SPTBN4: variants seen among roughly 807,000 people sequenced by gnomAD.
SPTBN4 encodes spectrin beta chain, non-erythrocytic 4.
A neutral mutation model predicts 277.8 loss-of-function variants in SPTBN4; 96 were observed. That is an observed-to-expected ratio of 0.35 (90% CI 0.29 to 0.41). The LOEUF (loss-of-function observed/expected upper bound fraction) is 0.41, where lower values mean the gene tolerates loss of function less well. Among genes scored for constraint, SPTBN4 ranks in the 10% least tolerant of loss-of-function variants. The probability of loss-of-function intolerance (pLI) is 1.00; values close to 1 mark genes in which losing one functional copy is unlikely to be tolerated. For synonymous variants in SPTBN4, 1,481 were observed against 1,580.3 expected, an observed-to-expected ratio of 0.94 and a Z score of 1.49; for missense variants, 3,006 against 3,595.7, an observed-to-expected ratio of 0.84 and a Z score of 4.19.
chr19:40,495,296 G>A (rs981508941), intron 6 of SPTBN4, among the ~76,000 whole-genome samples: 2 of 151,984 alleles, frequency 1.3e-5, no homozygotes, highest in African/African-American at 2.4e-5. Flanking sequence ...TAGGAAGCTC[G>A]CTCCCCTGTC....
chr19:40,527,795 A>G (rs2080610562), intron 17 of SPTBN4, among the ~76,000 whole-genome samples: 1 of 152,044 alleles, frequency 6.6e-6, no homozygotes, highest in Non-Finnish European at 1.5e-5. Flanking sequence ...GCAGGAGCTC[A>G]CTCCCATCCC....
intron 20 of SPTBN4, among the ~76,000 whole-genome samples, chr19:40,536,701 A>G (rs2080741158): frequency 6.6e-6 from 1 of 152,178 alleles, no homozygotes. Context: ...GTATCCCAGC[A>G]CTTTGGGAGG....
rs559617164 is a variant in SPTBN4 at position 40,522,093 on chromosome 19, C to G, written c.3655-1344C>G. On this transcript the variant is annotated intron_variant, in intron 16 of 35. Transcript: ENST00000598249. ...CCGGGCCAGAGTACAGTGGCACGAT[C>G]ATGACTCACTGCAGCCTTGATCTAT... Among the ~76,000 whole-genome samples, 215 of 152,336 alleles carry G rather than the reference C, an allele frequency of 1.4e-3. 1 individual carries two copies. The highest frequency in any genetic ancestry group is 5.0e-3 in the African/African-American group (207 of 41,572).
In SPTBN4 at chr19:40,515,404, C is replaced by T. The variant is rs1318373502; in HGVS notation, c.2859C>T (p.Pro953=). 1 of 1,591,486 alleles carries T rather than the reference C, an allele frequency of 6.3e-7. No homozygotes were observed. Among genetic ancestry groups the T allele is most frequent in the East Asian group, 2.3e-5 (1 of 44,224 alleles). Residue 953 remains proline, a synonymous_variant, in exon 15 of 36, where the codon CCC becomes CCT. Transcript: ENST00000598249. The surrounding 1 kb of genome is among the most constrained non-coding windows in gnomAD (Gnocchi z 4.1). ...AGGAGCTGGTGGAAGGAGGCCACCCCAGTTCAGATGAGGTGCGTTCCTGCC... is the reference window on the plus strand; with the variant it reads ...AGGAGCTGGTGGAAGGAGGCCACCCTAGTTCAGATGAGGTGCGTTCCTGCC... ...TVQELVEGGH[P]SSDEVRSCQD... is the part of the protein sequence containing the mutation.
intron 20 of SPTBN4, among the ~76,000 whole-genome samples, chr19:40,544,301 C>G (rs2080834186): frequency 6.6e-6 from 1 of 151,624 alleles, no homozygotes. Flanking sequence ...TGCCACAATG[C>G]CCGGCTAATT....
chr19:40,481,206 A>G (rs2080006974), intron 2 of SPTBN4, among the ~76,000 whole-genome samples: 1 of 152,122 alleles, frequency 6.6e-6, no homozygotes, highest in Non-Finnish European at 1.5e-5. Flanking sequence ...TATATATTTT[A>G]TTTTACATAT....
At position 40,469,842 on chromosome 19, in the gene SPTBN4, C is replaced by G. The variant is rs527271726; in HGVS notation, c.-16+2537C>G. ...TATTTTTAGTAGAGGCGGGGTTTCA[C>G]CATGTTGGCCAGGCTGGTCTGGAAC... On this transcript the variant is annotated intron_variant, in intron 1 of 35. Coordinates refer to ENST00000598249, the MANE Select transcript of SPTBN4 (RefSeq NM_020971.3). Among the ~76,000 whole-genome samples, 558 of 151,814 alleles carry G rather than the reference C, an allele frequency of 3.7e-3. 2 individuals are homozygous for G. Among genetic ancestry groups the G allele is most frequent in the Non-Finnish European group, 4.9e-3 (331 of 67,892 alleles).
chr19:40,571,736 G>A lies in SPTBN4; in HGVS notation c.7320-283G>A, dbSNP rs200782519. 2.9e-5 allele frequency: 9 copies of A among 313,400 alleles called. No individual in the cohort carries two copies. The East Asian group carries it at 4.1e-4, about 14-fold the overall frequency. 19.4% of individuals were successfully genotyped at this position (313,400 alleles called of 1,614,324 possible). A position where few individuals can be genotyped will look rare whatever the true frequency, so the allele number is the denominator to read the frequency against. On this transcript the variant is annotated intron_variant, in intron 33 of 35. Transcript: ENST00000598249. ...AGGATTGAGTGGAGCAAAGGCTTATGGAGGAGACAGCTTAAGACTTACCTT... is the reference window on the plus strand; with the variant it reads ...AGGATTGAGTGGAGCAAAGGCTTATAGAGGAGACAGCTTAAGACTTACCTT...
At chr19:40,525,279 G>A (rs975897695) in intron 17 of SPTBN4, among the ~76,000 whole-genome samples, 7 of 150,848 alleles carry the variant, frequency 4.6e-5, no homozygotes, top group Non-Finnish European at 8.8e-5. Flanking sequence ...ATCATTTAGT[G>A]CCCCCTTTTC....
chr19:40,565,769 T>C (rs757351603), intron 29 of SPTBN4, 24 bp downstream of exon 29: 1 of 1,548,920 alleles, frequency 6.5e-7, no homozygotes, highest in South Asian at 1.2e-5. Flanking sequence ...CAGGCACACG[T>C]GGTTCAAGGG....
At chr19:40,497,834 C>T (rs560964024) in intron 7 of SPTBN4, among the ~76,000 whole-genome samples, 2 of 151,842 alleles carry the variant, frequency 1.3e-5, no homozygotes, top group South Asian at 4.2e-4. Flanking sequence ...CCTCTCTCAT[C>T]CCCAACCGTG....
chr19:40,517,515 C>T (rs565607077), intron 15 of SPTBN4, among the ~76,000 whole-genome samples: 11 of 152,144 alleles, frequency 7.2e-5, no homozygotes, highest in African/African-American at 2.7e-4. Flanking sequence ...AGACTGGTCT[C>T]GAACTCCTGG....
chr19:40,560,485 C>A lies in SPTBN4; in HGVS notation c.5915+82C>A. On this transcript the variant is annotated intron_variant, in intron 27 of 35. Transcript: ENST00000598249. The surrounding 1 kb of genome is among the most constrained non-coding windows in gnomAD (Gnocchi z 5.2). ...CCCCCAGCCCATTGACAGCCCCCTTCTCAATGGAATGACAACAGCCAATAT... is the reference window on the plus strand; with the variant it reads ...CCCCCAGCCCATTGACAGCCCCCTTATCAATGGAATGACAACAGCCAATAT... The A allele has an allele frequency of 6.2e-7, 1 of 1,604,064 alleles. No homozygotes were observed.
At chr19:40,557,692 C>T (rs909644133) in intron 26 of SPTBN4, among the ~76,000 whole-genome samples, 4 of 152,004 alleles carry the variant, frequency 2.6e-5, no homozygotes, top group African/African-American at 7.2e-5. Context: ...CCAACGCAGG[C>T]GGATCATCTG....
chr19:40,555,507 A>G (rs2080968224), intron 24 of SPTBN4, among the ~76,000 whole-genome samples: 1 of 147,624 alleles, frequency 6.8e-6, no homozygotes, highest in Non-Finnish European at 1.5e-5. Context: ...AAAAAAAAAA[A>G]AGAAAAGAAA....
chr19:40,543,951 C>T (rs2080827788), intron 20 of SPTBN4, among the ~76,000 whole-genome samples: 1 of 151,956 alleles, frequency 6.6e-6, no homozygotes, highest in South Asian at 2.1e-4. Flanking sequence ...TAGGGAAATC[C>T]CATGGGAAAA....
intron 13 of SPTBN4, 94 bp downstream of exon 13, chr19:40,506,480 G>A (rs2145855058): frequency 2.7e-6 from 4 of 1,475,064 alleles, no homozygotes; most frequent in Middle Eastern, 1.8e-4. Context: ...AGGAAAGAGT[G>A]AGCTCCTTGT....
intron 15 of SPTBN4, among the ~76,000 whole-genome samples, chr19:40,516,867 C>T (rs986885806): frequency 5.9e-5 from 9 of 152,074 alleles, no homozygotes; most frequent in African/African-American, 2.2e-4. Flanking sequence ...ACCTCCTGGC[C>T]TCCTCCCACC....
rs533657587 is a variant in SPTBN4 at position 40,508,924 on chromosome 19, G to A, written c.1816+2538G>A. ...TTCATCTGAGCCGGCGAGGGGATGC[G>A]TGGTCATTTTTGTGGTTTGCACAGT... On this transcript the variant is annotated intron_variant, in intron 13 of 35. Transcript: ENST00000598249. Among the ~76,000 whole-genome samples, 9 of 152,108 alleles carry A rather than the reference G, an allele frequency of 5.9e-5. No individual in the cohort carries two copies. In the East Asian group the frequency reaches 1.4e-3, roughly 23 times the overall value.
Sources: allele counts gnomAD v4.1 joint callset (sites outside exome capture counted in the v4.1 genomes callset), GRCh38; gene constraint gnomAD v4.1.1; non-coding constraint Gnocchi (gnomAD v3.1); transcripts MANE v1.5; gene names NCBI Gene and HGNC (gene_info 2026-07-23, HGNC 2026-07-21).